The following BAG2 variants were observed in gnomAD, a reference collection of about 807,000 sequenced individuals.
The protein encoded by BAG2 is BAG cochaperone 2, also known as BAG family molecular chaperone regulator 2.
BAG2 carries 8 observed loss-of-function variants against 16.4 expected under a neutral mutation model. The ratio of observed to expected loss-of-function variants is 0.49; its 90% CI spans 0.29 to 0.88. The LOEUF (loss-of-function observed/expected upper bound fraction) is 0.88, where lower values mean the gene tolerates loss of function less well. Ranked by LOEUF, BAG2 falls within the 40% of genes least tolerant of loss-of-function variation. The probability of loss-of-function intolerance (pLI) is 0.09; values close to 1 mark genes in which losing one functional copy is unlikely to be tolerated. For missense variants in BAG2, 218 were observed against 248.9 expected (o/e 0.88, Z 0.84); for synonymous variants, 82 against 89.2 (o/e 0.92, Z 0.46).
At chr6:57,178,125 C>T (rs1261827870) in intron 1 of BAG2, among the ~76,000 whole-genome samples, 2 of 152,106 alleles carry the variant, frequency 1.3e-5, no homozygotes, top group African/African-American at 2.4e-5. Flanking sequence ...TGCCCTTCTC[C>T]GCCAGAAGTG....
intron 1 of BAG2, chr6:57,174,109 C>T (rs1764209528): frequency 2.5e-6 from 2 of 790,788 alleles, no homozygotes; most frequent in Admixed American, 8.7e-5. Flanking sequence ...ACTGGCAAAC[C>T]TGACCGTTCC....
At chr6:57,180,105 T>A (rs1255777817) in intron 1 of BAG2, among the ~76,000 whole-genome samples, 1 of 152,068 alleles carries the variant, frequency 6.6e-6, no homozygotes, top group African/African-American at 2.4e-5. Flanking sequence ...AGTGACAAGA[T>A]AAACCTACAA....
intron 1 of BAG2, among the ~76,000 whole-genome samples, chr6:57,175,140 C>T (rs1228941080): frequency 1.3e-5 from 2 of 152,158 alleles, no homozygotes; most frequent in African/African-American, 2.4e-5. Context: ...CCCTTTTCTC[C>T]GTTTTGACGA....
At chr6:57,182,889 G>A (rs1764507316) in intron 2 of BAG2, among the ~76,000 whole-genome samples, 1 of 152,192 alleles carries the variant, frequency 6.6e-6, no homozygotes, top group African/African-American at 2.4e-5. Context: ...GACCTCAGGT[G>A]ATCCGCCTGC....
At chr6:57,178,002 T>G (rs1378577423) in intron 1 of BAG2, among the ~76,000 whole-genome samples, 1 of 152,200 alleles carries the variant, frequency 6.6e-6, no homozygotes, top group Non-Finnish European at 1.5e-5. Context: ...TAGTTGTGAT[T>G]TCATGCAGGG....
In BAG2 at chr6:57,188,027, C is replaced by CAGTT. The variant is rs1440246813; in HGVS notation, c.*3839_*3842dup. On this transcript the variant is annotated 3_prime_UTR_variant, in exon 3 of 3. Transcript: ENST00000370693. The stretch of plus-strand genomic sequence containing the variant: ...AAACCTGAGGAACTCTGAAATATGG[C>CAGTT]AGTTATTCCACAGCGATATGTCTAC... 6.6e-6 allele frequency: 1 copy of CAGTT among 152,042 alleles called. No homozygotes were observed. The allele number at this position is 152,042 out of a possible 1,614,324, so 9.4% of individuals were successfully genotyped here.
In BAG2 at chr6:57,185,204, A is replaced by T. The variant is rs903327378; in HGVS notation, c.*1014A>T. On this transcript the variant is annotated 3_prime_UTR_variant, in exon 3 of 3. Transcript: ENST00000370693. ...TTTTTTCAGTAATTAAAATATAGCT[A>T]TTTCACTGAAATATTTCCAGCACTG... is the stretch of plus-strand genomic sequence containing the variant. 2 of 152,212 alleles carry T rather than the reference A, an allele frequency of 1.3e-5. No individual in the cohort carries two copies. The highest frequency in any genetic ancestry group is 2.9e-5 in the Non-Finnish European group (2 of 68,036). The allele number at this position is 152,212 out of a possible 1,614,324, so 9.4% of individuals were successfully genotyped here. A position where few individuals can be genotyped will look rare whatever the true frequency, so the allele number is the denominator to read the frequency against.
At chr6:57,174,426 C>G (rs1490032835) in intron 1 of BAG2, 1 of 1,290,824 alleles carries the variant, frequency 7.7e-7, no homozygotes, top group Non-Finnish European at 1.0e-6. Context: ...AAGTGCTCCT[C>G]TTTAAAAGAA....
chr6:57,187,991 A>G lies in BAG2; in HGVS notation c.*3801A>G, dbSNP rs1764673665. The stretch of plus-strand genomic sequence containing the variant: ...ATTTAATTCATAGACAGAGACTGGA[A>G]AAGGAAAAGGAAACCTGAGGAACTC... On this transcript the variant is annotated 3_prime_UTR_variant, in exon 3 of 3. Coordinates refer to ENST00000370693, the MANE Select transcript of BAG2 (RefSeq NM_004282.4). 1 of 152,154 alleles carries G rather than the reference A, an allele frequency of 6.6e-6. No individual in the cohort carries two copies. The highest frequency in any genetic ancestry group is 1.5e-5 in the Non-Finnish European group (1 of 68,022). 9.4% of individuals were successfully genotyped at this position (152,154 alleles called of 1,614,324 possible).
rs192774133 is a variant in BAG2, at chr6:57,174,884, T to C, written c.113+2074T>C. The stretch of plus-strand genomic sequence containing the variant: ...TGTAACTGTGTAGAATAAAACCTTA[T>C]AGTTTGTACTTAGAAGTGTGCACTT... On this transcript the variant is annotated intron_variant, in intron 1 of 2. Transcript: ENST00000370693. 3.2e-4 allele frequency among the ~76,000 whole-genome samples: 48 copies of C among 152,338 alleles called. 1 individual carries two copies. Among genetic ancestry groups the C allele is most frequent in the African/African-American group, 1.2e-3 (48 of 41,570 alleles).
chr6:57,181,462 T>G (rs543186481), intron 1 of BAG2, among the ~76,000 whole-genome samples: 1 of 152,228 alleles, frequency 6.6e-6, no homozygotes, highest in African/African-American at 2.4e-5. Flanking sequence ...GAGGCTGCGG[T>G]GGGCAGATCA....
rs1341287733 is a variant in BAG2, at chr6:57,172,486, G to A, written c.-212G>A. 8 of 394,472 alleles carry A rather than the reference G, an allele frequency of 2.0e-5. No individual in the cohort carries two copies. Among genetic ancestry groups the A allele is most frequent in the Non-Finnish European group, 3.7e-5 (8 of 217,654 alleles). 24.4% of individuals were successfully genotyped at this position (394,472 alleles called of 1,614,324 possible). On this transcript the variant is annotated 5_prime_UTR_variant, in exon 1 of 3. Transcript: ENST00000370693. ...GCCGCTGCAGCCCCCTCCCAGGCCC[G>A]GCGTCCCCGAGCCCCGCGGGCGCCG...
rs1764661430 is a variant in BAG2, at chr6:57,187,782, A to ACTT, written c.*3595_*3597dup. 6.6e-6 allele frequency: 1 copy of ACTT among 152,074 alleles called. No homozygotes were observed. The highest frequency in any genetic ancestry group is 6.5e-5 in the Admixed American group (1 of 15,270). 9.4% of individuals were successfully genotyped at this position (152,074 alleles called of 1,614,324 possible). A position where few individuals can be genotyped will look rare whatever the true frequency, so the allele number is the denominator to read the frequency against. The stretch of plus-strand genomic sequence containing the variant: ...GTTCCTTCTGAGCACTGCACTGCCA[A>ACTT]CTTCTAAAGCAACCACCTAGAACTT... On this transcript the variant is annotated 3_prime_UTR_variant, in exon 3 of 3. Transcript: ENST00000370693.
At chr6:57,183,277 G>A (rs945345825) in intron 2 of BAG2, among the ~76,000 whole-genome samples, 1 of 152,194 alleles carries the variant, frequency 6.6e-6, no homozygotes, top group African/African-American at 2.4e-5. Flanking sequence ...TTAGACCACT[G>A]TCCTGCTTCT....
chr6:57,183,987 G>T lies in BAG2; in HGVS notation c.433G>T (p.Glu145Ter). The T allele has an allele frequency of 6.2e-7, 1 of 1,613,072 alleles. No homozygotes were observed. Among genetic ancestry groups the T allele is most frequent in the Non-Finnish European group, 8.5e-7 (1 of 1,179,746 alleles). Residue 145 changes from glutamate to a stop codon, truncating the protein, a stop_gained, in exon 3 of 3, where the codon GAG becomes TAG. Transcript: ENST00000370693. LOFTEE classifies it high-confidence loss of function. ...GTCGCTCTACAGTGCATGTTCATCT[G>T]AGGTGCCACATGGGCCAGTTGATCA... is the stretch of plus-strand genomic sequence containing the variant. ...LMSLYSACSS[E>*]VPHGPVDQKF...
At position 57,189,040 on chromosome 6, in the gene BAG2, G is replaced by C. The variant is rs189407933; in HGVS notation, c.*4850G>C. On this transcript the variant is annotated 3_prime_UTR_variant, in exon 3 of 3. Coordinates refer to ENST00000370693, the MANE Select transcript of BAG2 (RefSeq NM_004282.4). The stretch of plus-strand genomic sequence containing the variant: ...GATTTTGCAATGCTGTAAAAACCAG[G>C]TATATTGAAAGGGGTTATTTATAGG... 6.6e-6 allele frequency: 1 copy of C among 152,210 alleles called. No individual in the cohort carries two copies. The highest frequency in any genetic ancestry group is 6.5e-5 in the Admixed American group (1 of 15,274). The allele number at this position is 152,210 out of a possible 1,614,324, so 9.4% of individuals were successfully genotyped here.
At chr6:57,182,743 T>C (rs994443625) in intron 2 of BAG2, among the ~76,000 whole-genome samples, 1 of 152,078 alleles carries the variant, frequency 6.6e-6, no homozygotes, top group Non-Finnish European at 1.5e-5. Flanking sequence ...CTCTGCCTCC[T>C]GGGTTGAAGC....
At position 57,183,942 on chromosome 6, in the gene BAG2, A is replaced by G; in HGVS notation, c.388A>G (p.Asn130Asp). 2.5e-6 allele frequency: 4 copies of G among 1,614,004 alleles called. No homozygotes were observed. Among genetic ancestry groups the G allele is most frequent in the Non-Finnish European group, 3.4e-6 (4 of 1,179,952 alleles). ...CAATAAGTTTCTGGATGATTTGGGAAATGCCAAGAGTCATTTAATGTCGCT... is the reference window on the plus strand; with the variant it reads ...CAATAAGTTTCTGGATGATTTGGGAGATGCCAAGAGTCATTTAATGTCGCT... ...VVNKFLDDLG[N>D]AKSHLMSLYS... The change falls in exon 3 of 3, where the codon AAT becomes GAT. Residue 130 changes from asparagine to aspartate, a missense_variant. Physicochemically the swap from Asn to Asp is conservative, Grantham distance 23. Transcript: ENST00000370693.
At chr6:57,177,152 A>G (rs889687773) in intron 1 of BAG2, among the ~76,000 whole-genome samples, 1 of 152,102 alleles carries the variant, frequency 6.6e-6, no homozygotes. Context: ...GTGGTGGCTC[A>G]CTCCTGTAAT....
Sources: gnomAD v4.1 joint callset for allele counts (sites outside exome capture counted in the v4.1 genomes callset) on GRCh38, gnomAD v4.1.1 for gene constraint, MANE v1.5 for transcripts, NCBI Gene and HGNC (gene_info 2026-07-23, HGNC 2026-07-21) for gene names.